ZNF134: variants seen among roughly 807,000 people sequenced by gnomAD.
ZNF134 encodes zinc finger protein 134 (clone pHZ-15).
Under a neutral mutation model 2.5 loss-of-function variants are expected in ZNF134, and 5 were observed. The observed-to-expected ratio is 2.03, with a 90% CI of 1.06 to 4.27. The LOEUF is 4.27. Ranked by LOEUF, ZNF134 falls within the 30% of genes most tolerant of loss-of-function variation. The pLI is 0.00. For missense variants in ZNF134, 540 were observed against 517.5 expected, an observed-to-expected ratio of 1.04 and a Z score of -0.42; for synonymous variants, 176 against 176.2, an observed-to-expected ratio of 1.00 and a Z score of 0.01.
Position 57,620,538 on chromosome 19 carries a change from A to G in ZNF134, c.419A>G (p.Asn140Ser). Reference protein sequence around the residue: ...KPFTCKEEQKNFQATLGGCQQ... With the variant: ...KPFTCKEEQKSFQATLGGCQQ... ...TTTACGTGTAAGGAGGAGCAGAAAA[A>G]CTTCCAGGCTACTTTGGGTGGCTGC... The change falls in exon 3 of 3, where the codon AAC (asparagine) becomes AGC (serine). Residue 140 changes from asparagine (N) to serine (S), a missense_variant. Transcript: ENST00000396161. 1 of 1,614,144 alleles carries G rather than the reference A, an allele frequency of 6.2e-7. No individual in the cohort carries two copies. The highest frequency in any genetic ancestry group is 8.5e-7 in the Non-Finnish European group (1 of 1,180,024).
At position 57,621,516 on chromosome 19, in the gene ZNF134, T is replaced by TA; in HGVS notation, c.*114dup. ...CAGGTACGTGGGAACCTTCTAGGGATATGTTGCACTTTCTGACTTGCTCAG... is the reference window on the plus strand; with the variant it reads ...CAGGTACGTGGGAACCTTCTAGGGATAATGTTGCACTTTCTGACTTGCTCAG... On this transcript the variant is annotated 3_prime_UTR_variant, in exon 3 of 3. Coordinates refer to ENST00000396161, the MANE Select transcript of ZNF134 (RefSeq NM_003435.5). The TA allele has an allele frequency of 6.6e-7, 1 of 1,520,266 alleles. No homozygotes were observed. Among genetic ancestry groups the TA allele is most frequent in the Non-Finnish European group, 9.0e-7 (1 of 1,108,270 alleles). The allele number at this position is 1,520,266 out of a possible 1,614,324, so 94.2% of individuals were successfully genotyped here.
At chr19:57,619,878 C>T (rs1160871204) in intron 2 of ZNF134, among the ~76,000 whole-genome samples, 2 of 152,178 alleles carry the variant, frequency 1.3e-5, no homozygotes, top group East Asian at 3.8e-4. Flanking sequence ...CACCTGTCAC[C>T]CACAGTCAGC....
At chr19:57,620,045 G>T (rs1250458185) in intron 2 of ZNF134, 115 bp from the exon 3 acceptor site, 7 of 1,238,240 alleles carry the variant, frequency 5.7e-6, no homozygotes, top group African/African-American at 4.5e-5. Flanking sequence ...TCCTAGCTCT[G>T]TTCCACCAGG....
chr19:57,620,502 C>T lies in ZNF134; in HGVS notation c.383C>T (p.Ser128Leu). 2 of 1,614,186 alleles carry T rather than the reference C, an allele frequency of 1.2e-6. No homozygotes were observed. The highest frequency in any genetic ancestry group is 1.7e-6 in the Non-Finnish European group (2 of 1,180,032). The change falls in exon 3 of 3, where the codon TCA (serine) becomes TTA (leucine). Residue 128 changes from serine (S) to leucine (L), a missense_variant. Ser to Leu is a moderately radical substitution (Grantham distance 145, BLOSUM62 -2). Coordinates refer to ENST00000396161, the MANE Select transcript of ZNF134 (RefSeq NM_003435.5). ...ACAGTTAGCAAAGAACCTCATCCGTCAGAGAAGCCCTTTACGTGTAAGGAG... is the reference window on the plus strand; with the variant it reads ...ACAGTTAGCAAAGAACCTCATCCGTTAGAGAAGCCCTTTACGTGTAAGGAG... ...NCTVSKEPHP[S>L]EKPFTCKEEQ...
intron 1 of ZNF134, among the ~76,000 whole-genome samples, chr19:57,618,337 C>G (rs1239062548): frequency 6.6e-6 from 1 of 152,064 alleles, no homozygotes; most frequent in Non-Finnish European, 1.5e-5. Flanking sequence ...ATGCTGTGTG[C>G]AGATTTGCAT....
In ZNF134 at chr19:57,619,486, A is replaced by G; in HGVS notation, c.18A>G (p.Ala6=). ...GAGAGGGCATGACTCTAGTCACAGC[A>G]GGAGGGGCTTGGACAGGCCCTGGTG... MTLVT[A]GGAWTGPGCW... Residue 6 remains alanine, a synonymous_variant, in exon 2 of 3, where the codon GCA becomes GCG. Transcript: ENST00000396161. 1 of 1,606,456 alleles carries G rather than the reference A, an allele frequency of 6.2e-7. No individual in the cohort carries two copies. The highest frequency in any genetic ancestry group is 8.5e-7 in the Non-Finnish European group (1 of 1,176,688).
chr19:57,616,255 C>T (rs1166270551), intron 1 of ZNF134, among the ~76,000 whole-genome samples: 1 of 152,200 alleles, frequency 6.6e-6, no homozygotes, highest in East Asian at 1.9e-4. Context: ...GGCTAGTGTA[C>T]ACCTTGCAAG....
chr19:57,621,839 C>T lies in ZNF134; in HGVS notation c.*436C>T. 3.3e-6 allele frequency: 1 copy of T among 303,480 alleles called. No individual in the cohort carries two copies. The highest frequency in any genetic ancestry group is 2.2e-5 in the African/African-American group (1 of 46,358). 18.8% of individuals were successfully genotyped at this position (303,480 alleles called of 1,614,324 possible). On this transcript the variant is annotated 3_prime_UTR_variant, in exon 3 of 3. Transcript: ENST00000396161. ...CTCACATACTTGTAATCAAGTTTTT[C>T]CAGCCTCCAAGTCACCTGGCCTGGG...
rs1390943311 is a variant in ZNF134 at position 57,614,468 on chromosome 19, G to T, written c.-93G>T. On this transcript the variant is annotated 5_prime_UTR_variant, in exon 1 of 3. Coordinates refer to ENST00000396161, the MANE Select transcript of ZNF134 (RefSeq NM_003435.5). ...CGCGGCTCCGGGTGGTCTACGAACT[G>T]TGATGGCGGCGGCCGCGGTGATGGG... The T allele has an allele frequency of 2.4e-6, 1 of 412,194 alleles. No homozygotes were observed. The highest frequency in any genetic ancestry group is 2.1e-5 in the African/African-American group (1 of 47,892). The allele number at this position is 412,194 out of a possible 1,614,324, so 25.5% of individuals were successfully genotyped here.
chr19:57,618,059 C>T (rs2122125569), intron 1 of ZNF134, among the ~76,000 whole-genome samples: 1 of 152,162 alleles, frequency 6.6e-6, no homozygotes, highest in East Asian at 1.9e-4. Context: ...AGGCAGAATC[C>T]CTGTGCTTGG....
In ZNF134 at chr19:57,621,099, A is replaced by G. The variant is rs755874673; in HGVS notation, c.980A>G (p.His327Arg). Reference protein sequence around the residue: ...DCSDCGKSFGHKYTLIKHQRI... With the variant: ...DCSDCGKSFGRKYTLIKHQRI... ...AGTGATTGTGGGAAATCCTTTGGCC[A>G]CAAATACACCCTCATTAAACATCAG... Residue 327 changes from histidine to arginine, a missense_variant, in exon 3 of 3, where the codon CAC (histidine) becomes CGC (arginine). Physicochemically the swap from His to Arg is conservative, Grantham distance 29. Coordinates refer to ENST00000396161, the MANE Select transcript of ZNF134 (RefSeq NM_003435.5). The G allele has an allele frequency of 1.2e-6, 2 of 1,614,236 alleles. No homozygotes were observed. The highest frequency in any genetic ancestry group is 2.2e-5 in the South Asian group (2 of 91,088).
In ZNF134 at chr19:57,621,530, T is replaced by C; in HGVS notation, c.*127T>C. 1 of 1,471,434 alleles carries C rather than the reference T, an allele frequency of 6.8e-7. No individual in the cohort carries two copies. Among genetic ancestry groups the C allele is most frequent in the Non-Finnish European group, 9.4e-7 (1 of 1,064,208 alleles). 91.1% of individuals were successfully genotyped at this position (1,471,434 alleles called of 1,614,324 possible). On this transcript the variant is annotated 3_prime_UTR_variant, in exon 3 of 3. Transcript: ENST00000396161. ...CCTTCTAGGGATATGTTGCACTTTC[T>C]GACTTGCTCAGGTTTTTTGCCAGAG...
At chr19:57,615,784 G>A (rs1981036341) in intron 1 of ZNF134, among the ~76,000 whole-genome samples, 1 of 152,128 alleles carries the variant, frequency 6.6e-6, no homozygotes, top group Admixed American at 6.5e-5. Flanking sequence ...AGTTGTGTAG[G>A]ACGTGTGGTT....
chr19:57,619,277 C>G, intron 1 of ZNF134, 135 bp from the exon 2 acceptor site: 1 of 699,756 alleles, frequency 1.4e-6, no homozygotes, highest in Admixed American at 2.2e-5. Context: ...TGTGGGCCCA[C>G]TGCACTGTTC....
In ZNF134 at chr19:57,621,712, A is replaced by T. The variant is rs576600180; in HGVS notation, c.*309A>T. On this transcript the variant is annotated 3_prime_UTR_variant, in exon 3 of 3. Transcript: ENST00000396161. ...GGGTCCTCATTCCCTTCTGTATGAC[A>T]GGTATAGGTATGGATATGACCCATT... 5 of 480,612 alleles carry T rather than the reference A, an allele frequency of 1.0e-5. No individual in the cohort carries two copies. Among genetic ancestry groups the T allele is most frequent in the Admixed American group, 3.0e-5 (1 of 33,186 alleles). The allele number at this position is 480,612 out of a possible 1,614,324, so 29.8% of individuals were successfully genotyped here.
In ZNF134 at chr19:57,623,162, G is replaced by A. The variant is rs1293647027; in HGVS notation, c.*1759G>A. The A allele has an allele frequency of 2.0e-5, 3 of 152,060 alleles. No homozygotes were observed. The highest frequency in any genetic ancestry group is 6.6e-5 in the Admixed American group (1 of 15,260). 9.4% of individuals were successfully genotyped at this position (152,060 alleles called of 1,614,324 possible). On this transcript the variant is annotated 3_prime_UTR_variant, in exon 3 of 3. Transcript: ENST00000396161. ...TTGTCTTTTCTAGAATTTTATGTAA[G>A]TCTGCCTATAAAGTGTTAATTTTGC...
intron 1 of ZNF134, among the ~76,000 whole-genome samples, chr19:57,616,061 C>T (rs952036304): frequency 3.9e-5 from 6 of 152,216 alleles, no homozygotes; most frequent in African/African-American, 1.4e-4. Context: ...GTAGGTTTGC[C>T]ACCCTACAGG....
At chr19:57,614,672 G>A (rs937815614) in intron 1 of ZNF134, among the ~76,000 whole-genome samples, 169 bp downstream of exon 1, 2 of 152,218 alleles carry the variant, frequency 1.3e-5, no homozygotes, top group Admixed American at 6.5e-5. Flanking sequence ...TAGGTTTGGA[G>A]CTGGACTGAG....
chr19:57,621,772 G>T lies in ZNF134; in HGVS notation c.*369G>T. Reference sequence around the variant, plus strand: ...GAGGGTCTGAGCTGTATCTGCTGGTGGCTTATACAAAAAGTTTACTTTCTT... The same window carrying T: ...GAGGGTCTGAGCTGTATCTGCTGGTTGCTTATACAAAAAGTTTACTTTCTT... On this transcript the variant is annotated 3_prime_UTR_variant, in exon 3 of 3. Coordinates refer to ENST00000396161, the MANE Select transcript of ZNF134 (RefSeq NM_003435.5). The T allele has an allele frequency of 2.9e-6, 1 of 348,502 alleles. No individual in the cohort carries two copies. Among genetic ancestry groups the T allele is most frequent in the Non-Finnish European group, 5.6e-6 (1 of 180,112 alleles). The allele number at this position is 348,502 out of a possible 1,614,324, so 21.6% of individuals were successfully genotyped here.
Sources: gnomAD v4.1 joint callset for allele counts (sites outside exome capture counted in the v4.1 genomes callset) on GRCh38, gnomAD v4.1.1 for gene constraint, MANE v1.5 for transcripts, NCBI Gene and HGNC (gene_info 2026-07-23, HGNC 2026-07-21) for gene names.